APOLD1: variants seen among roughly 807,000 people sequenced by gnomAD.
APOLD1 encodes the protein apolipoprotein L domain containing 1.
In APOLD1, 22 loss-of-function variants were observed where a neutral mutation model predicts 15.3. The observed-to-expected ratio is 1.44, with a 90% CI of 1.03 to 2.05. APOLD1 has a LOEUF of 2.05. APOLD1 is among the 30% of genes most tolerant of loss of function. The pLI, the probability that APOLD1 is intolerant of heterozygous loss-of-function variation, is 0.00. For missense variants in APOLD1, 394 were observed against 353.5 expected, an observed-to-expected ratio of 1.11 and a Z score of -0.92; for synonymous variants, 190 against 167.4, an observed-to-expected ratio of 1.13 and a Z score of -1.04.
intron 1 of APOLD1, among the ~76,000 whole-genome samples, chr12:12,736,305 C>T (rs1946684914): frequency 2.0e-5 from 3 of 152,024 alleles, no homozygotes; most frequent in Non-Finnish European, 4.4e-5. Context: ...GAGCCAAGAT[C>T]ACGCCACTGC....
intron 1 of APOLD1, among the ~76,000 whole-genome samples, chr12:12,779,725 A>T (rs978134375): frequency 1.3e-5 from 2 of 152,260 alleles, no homozygotes; most frequent in Admixed American, 6.5e-5. Context: ...TGGGATTATT[A>T]CATAGCTATT....
intron 1 of APOLD1, among the ~76,000 whole-genome samples, chr12:12,778,497 CT>C (rs35742908): frequency 8.0e-4 from 117 of 145,476 alleles, no homozygotes; most frequent in African/African-American, 2.5e-3. Context: ...TTTTTAATTT[CT>C]TTTTTTTTTT....
chr12:12,774,113 A>G (rs1947009518), intron 1 of APOLD1, among the ~76,000 whole-genome samples: 1 of 152,248 alleles, frequency 6.6e-6, no homozygotes, highest in Non-Finnish European at 1.5e-5. Flanking sequence ...AAATTAAAAA[A>G]TGTTACTCTG....
rs199645314 is a variant in APOLD1 at position 12,749,839 on chromosome 12, ATTCT to A, written c.96+23750_96+23753del. ...CCTGCTTTCATTCTTTAGTTGCTTC[ATTCT>A]TTCTTTGTTTTGCTGGGCATTTTGT... On this transcript the variant is annotated intron_variant, in intron 1 of 1. Transcript: ENST00000326765. 7.3e-3 allele frequency among the ~76,000 whole-genome samples: 1,106 copies of A among 152,300 alleles called. 14 individuals carry two copies. Among genetic ancestry groups the A allele is most frequent in the African/African-American group, 0.025 (1,034 of 41,560 alleles).
At chr12:12,772,293 G>T (rs1291052302) in intron 1 of APOLD1, among the ~76,000 whole-genome samples, 2 of 152,116 alleles carry the variant, frequency 1.3e-5, no homozygotes, top group African/African-American at 4.8e-5. Flanking sequence ...GGTAGAGAAA[G>T]ATACACCCTG....
At chr12:12,732,049 C>T (rs1350481651) in intron 1 of APOLD1, among the ~76,000 whole-genome samples, 2 of 152,228 alleles carry the variant, frequency 1.3e-5, no homozygotes, top group African/African-American at 2.4e-5. Flanking sequence ...TCCATTCCTG[C>T]TTTTAAGTTT....
chr12:12,732,770 G>A (rs1420586101), intron 1 of APOLD1, among the ~76,000 whole-genome samples: 18 of 149,496 alleles, frequency 1.2e-4, no homozygotes, highest in Non-Finnish European at 1.5e-5. Flanking sequence ...AAAAGAAAAA[G>A]CATGTACTTT....
intron 1 of APOLD1, among the ~76,000 whole-genome samples, chr12:12,734,282 C>T (rs910184731): frequency 6.6e-6 from 1 of 152,224 alleles, no homozygotes; most frequent in Non-Finnish European, 1.5e-5. Flanking sequence ...TTGGCACACT[C>T]AGGGAATCCG....
At chr12:12,781,908 CAT>C (rs1267462579), upstream of APOLD1, among the ~76,000 whole-genome samples, 1 of 152,012 alleles carries the variant, frequency 6.6e-6, no homozygotes, top group Non-Finnish European at 1.5e-5. Flanking sequence ...CACCTCCTAA[CAT>C]AGTCCTTTCC....
chr12:12,734,786 C>T (rs1231703915), intron 1 of APOLD1, among the ~76,000 whole-genome samples: 1 of 152,158 alleles, frequency 6.6e-6, no homozygotes, highest in African/African-American at 2.4e-5. Context: ...TTAGTAGTGC[C>T]AGATATTGCT....
At chr12:12,758,400 C>T (rs1270287252) in intron 1 of APOLD1, among the ~76,000 whole-genome samples, 1 of 151,904 alleles carries the variant, frequency 6.6e-6, no homozygotes. Flanking sequence ...CAAAAATTAC[C>T]TGGGCCTGGT....
chr12:12,752,518 A>G (rs1671353668), intron 1 of APOLD1, among the ~76,000 whole-genome samples: 1 of 152,224 alleles, frequency 6.6e-6, no homozygotes, highest in South Asian at 2.1e-4. Context: ...CTCATCACTC[A>G]GGCATGACAA....
intron 1 of APOLD1, among the ~76,000 whole-genome samples, chr12:12,768,478 A>AAAAAC (rs1410493268): frequency 4.6e-5 from 7 of 152,000 alleles, no homozygotes; most frequent in African/African-American, 9.7e-5. Flanking sequence ...ACAGAAAATT[A>AAAAAC]AAAACAAAAC....
upstream of APOLD1, among the ~76,000 whole-genome samples, chr12:12,781,648 C>T (rs558041593): frequency 6.6e-6 from 1 of 151,260 alleles, no homozygotes; most frequent in Non-Finnish European, 1.5e-5. Context: ...CTGCCTCAGC[C>T]TCCCGAATAG....
chr12:12,732,751 G>GAAAAAAGAAAAAGA (rs1284920344), intron 1 of APOLD1, among the ~76,000 whole-genome samples: 11 of 145,900 alleles, frequency 7.5e-5, no homozygotes, highest in Middle Eastern at 3.3e-3. Flanking sequence ...AAAAAGAAAA[G>GAAAAAAGAAAAAGA]AAAAAAGAAA....
chr12:12,779,216 A>G (rs765723332), intron 1 of APOLD1, among the ~76,000 whole-genome samples: 1 of 152,018 alleles, frequency 6.6e-6, no homozygotes, highest in Non-Finnish European at 1.5e-5. Context: ...CTGGGCATGT[A>G]TTTGCCCTGT....
chr12:12,730,056 G>A (rs558858034), intron 1 of APOLD1, among the ~76,000 whole-genome samples: 12,949 of 117,856 alleles, frequency 0.11, 875 homozygotes, highest in Admixed American at 0.24. Flanking sequence ...GTGTGTGTGT[G>A]TGTGTGTGTG....
At chr12:12,752,315 G>A (rs1003495299) in intron 1 of APOLD1, among the ~76,000 whole-genome samples, 3 of 152,172 alleles carry the variant, frequency 2.0e-5, no homozygotes, top group Admixed American at 6.5e-5. Context: ...ACTTCTTGCA[G>A]GGTAGGATGC....
At chr12:12,783,517 T>C (rs550618077), upstream of APOLD1, among the ~76,000 whole-genome samples, 27 of 152,046 alleles carry the variant, frequency 1.8e-4, no homozygotes, top group African/African-American at 6.5e-4. Flanking sequence ...CTTACCATGT[T>C]GGTCAGGCTG....
Sources: allele counts gnomAD v4.1 joint callset (sites outside exome capture counted in the v4.1 genomes callset), GRCh38; gene constraint gnomAD v4.1.1; transcripts MANE v1.5; gene names NCBI Gene and HGNC (gene_info 2026-07-23, HGNC 2026-07-21).